The following BRD3 variants were observed in gnomAD, a reference collection of about 807,000 sequenced individuals.
BRD3 encodes bromodomain containing 3, also known as bromodomain-containing protein 3.
A neutral mutation model predicts 66.8 loss-of-function variants in BRD3; 17 were observed. The observed-to-expected ratio is 0.25, with a 90% CI of 0.17 to 0.38. BRD3 has a LOEUF of 0.38. Among genes scored for constraint, BRD3 ranks in the 10% least tolerant of loss-of-function variants. The pLI, the probability that BRD3 is intolerant of heterozygous loss-of-function variation, is 1.00. For synonymous variants in BRD3, 421 were observed against 393.2 expected, an observed-to-expected ratio of 1.07 and a Z score of -0.84; for missense variants, 713 against 956.1, an observed-to-expected ratio of 0.75 and a Z score of 3.35.
At position 134,040,156 on chromosome 9, in the gene BRD3, CTCCTTCTCCTTG is replaced by C; in HGVS notation, c.1509_1520del (p.Asp503_Lys506del). On this transcript the variant is annotated inframe_deletion, in exon 9 of 12. Transcript: ENST00000303407. Reference sequence around the variant, plus strand: ...CGGCCTTCACTTTGTGCTTCTCCTTCTCCTTCTCCTTGTCCTTCTTCTTCTTCTCCTTCTCCT... The same window carrying C: ...CGGCCTTCACTTTGTGCTTCTCCTTCTCCTTCTTCTTCTTCTCCTTCTCCT... 1.3e-6 allele frequency: 2 copies of C among 1,562,702 alleles called. No individual in the cohort carries two copies. Among genetic ancestry groups the C allele is most frequent in the South Asian group, 2.4e-5 (2 of 85,096 alleles).
At chr9:134,046,022 G>A (rs1186078326) in intron 6 of BRD3, among the ~76,000 whole-genome samples, 1 of 152,200 alleles carries the variant, frequency 6.6e-6, no homozygotes, top group African/African-American at 2.4e-5. Context: ...GGCAACGGGG[G>A]CGTGTCGGCT....
At chr9:134,042,322 CA>C (rs763418764) in intron 7 of BRD3, among the ~76,000 whole-genome samples, 2 of 152,200 alleles carry the variant, frequency 1.3e-5, no homozygotes, top group Non-Finnish European at 2.9e-5. Flanking sequence ...TGAGCTTGGA[CA>C]GGGTCCTCCA....
intron 1 of BRD3, among the ~76,000 whole-genome samples, chr9:134,060,735 G>A (rs1032956364): frequency 6.6e-6 from 1 of 152,186 alleles, no homozygotes; most frequent in African/African-American, 2.4e-5. Context: ...CCATCCAAGA[G>A]AGGCTCTGTG....
At chr9:134,050,277 G>A in intron 5 of BRD3, 97 bp downstream of exon 5, 1 of 1,144,500 alleles carries the variant, frequency 8.7e-7, no homozygotes, top group East Asian at 2.5e-5. Context: ...CCAGCACTCA[G>A]GGAAAGGTGG....
intron 1 of BRD3, among the ~76,000 whole-genome samples, chr9:134,063,893 T>C (rs1323495261): frequency 6.6e-6 from 1 of 152,144 alleles, no homozygotes; most frequent in Non-Finnish European, 1.5e-5. Flanking sequence ...CTTTTCCAAG[T>C]GGCTGGAAAA....
In BRD3 at chr9:134,051,614, G is replaced by T; in HGVS notation, c.447C>A (p.Pro149=). The change falls in exon 4 of 12, where the codon CCC becomes CCA. Residue 149 remains proline (P), a synonymous_variant. Transcript: ENST00000303407. ...TCCGACCTTTGCCCTTTGGAGCAGG[G>T]GGTAATAATTCAACTTCCTCTTGGG... ...QMPQEEVELL[P]PAPKGKGRKP... 6.3e-7 allele frequency: 1 copy of T among 1,585,156 alleles called. No individual in the cohort carries two copies. The highest frequency in any genetic ancestry group is 1.9e-5 in the Admixed American group (1 of 52,592).
Position 134,050,475 on chromosome 9 carries a change from T to C in BRD3, c.613A>G (p.Thr205Ala). Residue 205 changes from threonine to alanine, a missense_variant, in exon 5 of 12, where the codon ACT (threonine) becomes GCT (alanine). Transcript: ENST00000303407. Reference sequence around the variant, plus strand: ...ACTGGGACCGACGTGACGTTTGCAGTGATGGTTGGTACAGGGGTGGCAGCG... The same window carrying C: ...ACTGGGACCGACGTGACGTTTGCAGCGATGGTTGGTACAGGGGTGGCAGCG... ...VIAATPVPTI[T>A]ANVTSVPVPP... The C allele has an allele frequency of 6.2e-7, 1 of 1,611,158 alleles. No individual in the cohort carries two copies. The highest frequency in any genetic ancestry group is 8.5e-7 in the Non-Finnish European group (1 of 1,179,070).
intron 1 of BRD3, among the ~76,000 whole-genome samples, chr9:134,066,426 G>A (rs1394219362): frequency 6.6e-6 from 1 of 152,146 alleles, no homozygotes. Flanking sequence ...CCTAACCCCC[G>A]AGGCCAGCCC....
At chr9:134,052,650 A>G (rs1340547560) in intron 2 of BRD3, among the ~76,000 whole-genome samples, 1 of 152,158 alleles carries the variant, frequency 6.6e-6, no homozygotes, top group South Asian at 2.1e-4. Context: ...CCAGACCCCA[A>G]GCATGTGCAG....
At position 134,030,991 on chromosome 9, in the gene BRD3, G is replaced by A. The variant is rs575758705; in HGVS notation, c.*2599C>T. 3 of 230,746 alleles carry A rather than the reference G, an allele frequency of 1.3e-5. No individual in the cohort carries two copies. Among genetic ancestry groups the A allele is most frequent in the East Asian group, 1.2e-4 (2 of 16,362 alleles). 14.3% of individuals were successfully genotyped at this position (230,746 alleles called of 1,614,324 possible). A position where few individuals can be genotyped will look rare whatever the true frequency, so the allele number is the denominator to read the frequency against. ...GCCTTCTAATACAGAAGAAACGGAC[G>A]TGACTGTCACCCTCAGCCCGCCAGC... On this transcript the variant is annotated 3_prime_UTR_variant, in exon 12 of 12. Transcript: ENST00000303407.
intron 1 of BRD3, among the ~76,000 whole-genome samples, chr9:134,066,512 C>T (rs1041961376): frequency 6.6e-6 from 1 of 151,526 alleles, no homozygotes; most frequent in African/African-American, 2.4e-5. Flanking sequence ...AAATGCCATA[C>T]AACTTTGCAT....
intron 1 of BRD3, among the ~76,000 whole-genome samples, chr9:134,064,687 G>A (rs1315216597): frequency 2.0e-5 from 3 of 151,900 alleles, no homozygotes; most frequent in South Asian, 2.1e-4. Context: ...ATGGTGAAAC[G>A]CCATCTCTAC....
intron 10 of BRD3, 46 bp from the exon 11 acceptor site, chr9:134,034,875 G>A (rs940145002): frequency 6.2e-7 from 1 of 1,606,168 alleles, no homozygotes; most frequent in Non-Finnish European, 8.5e-7. Context: ...CAGACCGATG[G>A]GGCAGGAGCC....
At position 134,045,212 on chromosome 9, in the gene BRD3, C is replaced by T. The variant is rs557885027; in HGVS notation, c.1215+81G>A. The T allele has an allele frequency of 2.2e-4, 349 of 1,567,880 alleles. 2 individuals are homozygous for T. Among genetic ancestry groups the T allele is most frequent in the Admixed American group, 7.2e-4 (41 of 57,094 alleles). On this transcript the variant is annotated intron_variant, in intron 7 of 11. Coordinates refer to ENST00000303407, the MANE Select transcript of BRD3 (RefSeq NM_007371.4). This position sits in a 1 kb window ranked among gnomAD's most constrained non-coding sequence, Gnocchi z 4.8. ...AGGCCTTCCTCGGCTGGACATTCAC[C>T]TGGGCGCTTACCCCACACTGAGGCC... is the stretch of plus-strand genomic sequence containing the variant.
intron 1 of BRD3, among the ~76,000 whole-genome samples, chr9:134,054,715 C>A (rs1309580180): frequency 1.3e-5 from 2 of 152,194 alleles, no homozygotes; most frequent in Non-Finnish European, 2.9e-5. Flanking sequence ...ACAGTCAAGA[C>A]TAGGGGAAGT....
intron 11 of BRD3, 137 bp downstream of exon 11, chr9:134,034,564 C>T: frequency 6.3e-6 from 8 of 1,263,842 alleles, no homozygotes; most frequent in Non-Finnish European, 8.6e-6. Context: ...TTCAGGAGCT[C>T]AAGAGCTCGT....
intron 3 of BRD3, 25 bp downstream of exon 3, chr9:134,052,281 G>A: frequency 6.2e-7 from 1 of 1,609,952 alleles, no homozygotes; most frequent in African/African-American, 1.3e-5. Context: ...ACTGCAAGCG[G>A]CGTGCCAGGC....
At chr9:134,048,810 A>G (rs975361362) in intron 5 of BRD3, among the ~76,000 whole-genome samples, 2 of 152,148 alleles carry the variant, frequency 1.3e-5, no homozygotes, top group Admixed American at 1.3e-4. Flanking sequence ...CAGACACCTA[A>G]CAAGCACCCA....
chr9:134,056,457 C>T (rs1830427804), intron 1 of BRD3, among the ~76,000 whole-genome samples: 1 of 152,222 alleles, frequency 6.6e-6, no homozygotes, highest in African/African-American at 2.4e-5. Context: ...ACACCTACAC[C>T]CCACACACTC....
Sources: allele counts gnomAD v4.1 joint callset (sites outside exome capture counted in the v4.1 genomes callset), GRCh38; gene constraint gnomAD v4.1.1; non-coding constraint Gnocchi (gnomAD v3.1); transcripts MANE v1.5; gene names NCBI Gene and HGNC (gene_info 2026-07-23, HGNC 2026-07-21).